SLC25A21: variants seen among roughly 807,000 people sequenced by gnomAD.
The protein encoded by SLC25A21 is mitochondrial 2-oxodicarboxylate carrier.
A neutral mutation model predicts 43.8 loss-of-function variants in SLC25A21; 47 were observed. The observed-to-expected ratio is 1.07, with a 90% confidence interval of 0.85 to 1.37. SLC25A21 has a LOEUF of 1.37. Among genes scored for constraint, SLC25A21 ranks in the 40% most tolerant of loss-of-function variants. SLC25A21 has a pLI of 0.00. For synonymous variants in SLC25A21, 131 were observed against 121.3 expected (o/e 1.08, Z -0.52); for missense variants, 352 against 350.2 (o/e 1.00, Z -0.04).
intron 7 of SLC25A21, among the ~76,000 whole-genome samples, chr14:36,708,749 T>G (rs927920857): frequency 1.4e-4 from 21 of 148,542 alleles, no homozygotes; most frequent in Middle Eastern, 3.5e-3. Context: ...CGTTAGTTTT[T>G]TTTTTTTTTT....
chr14:36,744,322 A>G (rs1359554949), intron 3 of SLC25A21, among the ~76,000 whole-genome samples: 1 of 152,212 alleles, frequency 6.6e-6, no homozygotes, highest in Non-Finnish European at 1.5e-5. Context: ...ACAGCATGGC[A>G]TTAGCACAAA....
At chr14:36,844,762 G>A (rs1207986866) in intron 2 of SLC25A21, among the ~76,000 whole-genome samples, 4 of 152,126 alleles carry the variant, frequency 2.6e-5, no homozygotes, top group African/African-American at 9.7e-5. Context: ...GGGTCATGCC[G>A]GATCCTAATC....
At chr14:36,847,096 T>C (rs1232003922) in intron 2 of SLC25A21, among the ~76,000 whole-genome samples, 2 of 152,204 alleles carry the variant, frequency 1.3e-5, no homozygotes, top group East Asian at 3.9e-4. Flanking sequence ...TGTTGGGGTC[T>C]TTTGTAACAT....
intron 3 of SLC25A21, among the ~76,000 whole-genome samples, chr14:36,785,357 C>A (rs1312540036): frequency 6.6e-6 from 1 of 152,222 alleles, no homozygotes; most frequent in African/African-American, 2.4e-5. Flanking sequence ...TTGATGAATT[C>A]ATTGCCATGC....
intron 1 of SLC25A21, among the ~76,000 whole-genome samples, chr14:37,016,182 C>T (rs966588384): frequency 6.6e-6 from 1 of 152,050 alleles, no homozygotes; most frequent in Non-Finnish European, 1.5e-5. Context: ...TTAGGTCTAA[C>T]GTTTAAGTCT....
intron 6 of SLC25A21, among the ~76,000 whole-genome samples, chr14:36,715,667 A>G (rs755306956): frequency 8.5e-5 from 13 of 152,160 alleles, no homozygotes; most frequent in Non-Finnish European, 1.6e-4. Flanking sequence ...CTTAACAAAT[A>G]TTTTTTGCTT....
chr14:37,042,624 AAG>A (rs1961498259), intron 1 of SLC25A21, among the ~76,000 whole-genome samples: 1 of 152,222 alleles, frequency 6.6e-6, no homozygotes, highest in African/African-American at 2.4e-5. Context: ...TGTATTAGAA[AAG>A]CATTCTTGAC....
chr14:37,134,521 T>C (rs1963444188), intron 1 of SLC25A21, among the ~76,000 whole-genome samples: 1 of 151,612 alleles, frequency 6.6e-6, no homozygotes, highest in Non-Finnish European at 1.5e-5. Context: ...GGCTTGCGCC[T>C]ATTATCCCAG....
chr14:37,091,820 G>C (rs1480496529), intron 1 of SLC25A21, among the ~76,000 whole-genome samples: 1 of 152,086 alleles, frequency 6.6e-6, no homozygotes, highest in African/African-American at 2.4e-5. Flanking sequence ...AAGCCTCTGA[G>C]TTATTTCCCT....
Position 36,678,317 on chromosome 14 carries a change from T to C in SLC25A21, c.*2341A>G. ...TGCTTTTTTCAGACAGCAGATATCT[T>C]ATAGAGAGCTTTGAACTGCATTTAT... On this transcript the variant is annotated 3_prime_UTR_variant, in exon 10 of 10. Coordinates refer to ENST00000331299, the MANE Select transcript of SLC25A21 (RefSeq NM_030631.4). The C allele has an allele frequency of 1.6e-6, 1 of 609,046 alleles. No homozygotes were observed. The highest frequency in any genetic ancestry group is 2.9e-6 in the Non-Finnish European group (1 of 347,978). 37.7% of individuals were successfully genotyped at this position (609,046 alleles called of 1,614,324 possible).
chr14:36,735,931 T>C (rs1024368854), intron 3 of SLC25A21, among the ~76,000 whole-genome samples: 38 of 60,050 alleles, frequency 6.3e-4, no homozygotes, highest in Non-Finnish European at 7.7e-4. Flanking sequence ...CTGGCCACAA[T>C]TTTTTTTTTT....
chr14:36,812,661 G>T (rs1749938), intron 3 of SLC25A21, among the ~76,000 whole-genome samples: 102,695 of 151,886 alleles, frequency 0.68, 36,392 homozygotes, highest in East Asian at 1. Flanking sequence ...TTGTTAAAGA[G>T]AATATACTGG....
At chr14:36,855,872 T>C (rs1293721806) in intron 2 of SLC25A21, among the ~76,000 whole-genome samples, 1 of 151,974 alleles carries the variant, frequency 6.6e-6, no homozygotes, top group Non-Finnish European at 1.5e-5. Flanking sequence ...GGGTGAAGGG[T>C]GGTTTTGTTT....
chr14:36,992,378 G>A lies in SLC25A21; in HGVS notation c.71-117374C>T, dbSNP rs569400992. 9.9e-5 allele frequency among the ~76,000 whole-genome samples: 15 copies of A among 152,200 alleles called. No homozygotes were observed. In the East Asian group the frequency reaches 1.4e-3, roughly 14 times the overall value. On this transcript the variant is annotated intron_variant, in intron 1 of 9. Coordinates refer to ENST00000331299, the MANE Select transcript of SLC25A21 (RefSeq NM_030631.4). ...TATGATTGTGCCACTGCACTCCCCCGCCTGGGAGACAGAGCAAGACCCTAT... is the reference window on the plus strand; with the variant it reads ...TATGATTGTGCCACTGCACTCCCCCACCTGGGAGACAGAGCAAGACCCTAT...
At chr14:36,892,991 T>C (rs1029554641) in intron 1 of SLC25A21, among the ~76,000 whole-genome samples, 1 of 152,190 alleles carries the variant, frequency 6.6e-6, no homozygotes, top group African/African-American at 2.4e-5. Flanking sequence ...CTATCGTGAA[T>C]AGTGCTGCAA....
Position 36,998,095 on chromosome 14 carries a change from C to A in SLC25A21, c.71-123091G>T, listed in dbSNP as rs145094707. 2.6e-4 allele frequency among the ~76,000 whole-genome samples: 39 copies of A among 152,240 alleles called. 1 individual carries two copies. Among genetic ancestry groups the A allele is most frequent in the African/African-American group, 9.1e-4 (38 of 41,542 alleles). The stretch of plus-strand genomic sequence containing the variant: ...TTTTCCCGAAGTGCAATCCCTGGAA[C>A]ACTAGTTCTGCACAGTGTTATTATT... On this transcript the variant is annotated intron_variant, in intron 1 of 9. Transcript: ENST00000331299.
chr14:36,963,988 C>T (rs905991851), intron 1 of SLC25A21, among the ~76,000 whole-genome samples: 7 of 152,154 alleles, frequency 4.6e-5, no homozygotes, highest in African/African-American at 1.7e-4. Flanking sequence ...GCAAAGGCTA[C>T]TTAGCGCCTT....
chr14:36,893,659 G>A (rs1201398909), intron 1 of SLC25A21, among the ~76,000 whole-genome samples: 1 of 152,132 alleles, frequency 6.6e-6, no homozygotes, highest in Non-Finnish European at 1.5e-5. Flanking sequence ...TTTTCTTCTA[G>A]GGTTTTTATG....
At chr14:36,924,861 T>C (rs961707532) in intron 1 of SLC25A21, among the ~76,000 whole-genome samples, 1 of 152,148 alleles carries the variant, frequency 6.6e-6, no homozygotes, top group Admixed American at 6.6e-5. Flanking sequence ...AGTGTATAGG[T>C]TATATGCAAA....
Sources: gnomAD v4.1 joint callset for allele counts (sites outside exome capture counted in the v4.1 genomes callset) on GRCh38, gnomAD v4.1.1 for gene constraint, MANE v1.5 for transcripts, NCBI Gene and HGNC (gene_info 2026-07-23, HGNC 2026-07-21) for gene names.